EPCAM: variants seen among roughly 807,000 people sequenced by gnomAD.
The protein encoded by EPCAM is epithelial cell adhesion molecule.
A neutral mutation model predicts 40.0 loss-of-function variants in EPCAM; 39 were observed. The ratio of observed to expected loss-of-function variants is 0.98; its 90% CI spans 0.76 to 1.27. The LOEUF (loss-of-function observed/expected upper bound fraction) is 1.27. Among genes scored for constraint, EPCAM ranks in the 50% most tolerant of loss-of-function variants. The pLI, the probability that EPCAM is intolerant of heterozygous loss-of-function variation, is 0.00. For missense variants in EPCAM, 503 were observed against 381.2 expected (o/e 1.32, Z -2.66); for synonymous variants, 168 against 132.3 (o/e 1.27, Z -1.85).
At chr2:47,385,417 C>T (rs1338163476) in intron 8 of EPCAM, among the ~76,000 whole-genome samples, 1 of 152,130 alleles carries the variant, frequency 6.6e-6, no homozygotes, top group Non-Finnish European at 1.5e-5. Flanking sequence ...TTTTCTGCCT[C>T]ATAGAAGAGT....
chr2:47,377,902 G>A, intron 5 of EPCAM: 1 of 317,646 alleles, frequency 3.1e-6, no homozygotes, highest in South Asian at 2.4e-5. Flanking sequence ...ATTTATTCAA[G>A]AGTCTTTAGA....
chr2:47,376,843 A>G (rs541526015), intron 4 of EPCAM, among the ~76,000 whole-genome samples, 171 bp from the exon 5 acceptor site: 36 of 152,314 alleles, frequency 2.4e-4, no homozygotes, highest in African/African-American at 5.8e-4. Context: ...TTGAATATCA[A>G]TGGATGATTC....
intron 6 of EPCAM, among the ~76,000 whole-genome samples, 185 bp from the exon 7 acceptor site, chr2:47,379,584 T>C (rs1671523366): frequency 1.3e-5 from 2 of 152,186 alleles, no homozygotes; most frequent in Admixed American, 1.3e-4. Flanking sequence ...CTTTCTACTT[T>C]CGTGTATGTT....
Position 47,386,635 on chromosome 2 carries a change from G to C in EPCAM, c.*22G>C, listed in dbSNP as rs1465815283. 1 of 1,565,948 alleles carries C rather than the reference G, an allele frequency of 6.4e-7. No homozygotes were observed. Among genetic ancestry groups the C allele is most frequent in the Non-Finnish European group, 8.8e-7 (1 of 1,137,366 alleles). ...ATAACTATATAATTTGAAGATTATAGAAGAAGGGAAATAGCAAATGGACAC... is the reference window on the plus strand; with the variant it reads ...ATAACTATATAATTTGAAGATTATACAAGAAGGGAAATAGCAAATGGACAC... On this transcript the variant is annotated 3_prime_UTR_variant, in exon 9 of 9. Transcript: ENST00000263735.
chr2:47,373,733 T>TTA, intron 2 of EPCAM, 75 bp from the exon 3 acceptor site: 3 of 1,593,172 alleles, frequency 1.9e-6, no homozygotes, highest in Admixed American at 3.4e-5. Flanking sequence ...CCCTGGAACT[T>TTA]TAGAGTTAAT....
At position 47,370,082 on chromosome 2, in the gene EPCAM, C is replaced by T. The variant is rs869312585; in HGVS notation, c.76+501C>T. ...GGGAGGCCTCCAGGGCCGCTATGCA[C>T]CTGCGCGCGGCAGGCGGCCCGGACC... On this transcript the variant is annotated intron_variant, in intron 1 of 8. Coordinates refer to ENST00000263735, the MANE Select transcript of EPCAM (RefSeq NM_002354.3). Among the ~76,000 whole-genome samples the T allele has an allele frequency of 6.6e-6, 1 of 152,244 alleles. No homozygotes were observed. The highest frequency in any genetic ancestry group is 1.5e-5 in the Non-Finnish European group (1 of 68,048).
At chr2:47,381,408 A>AAG (rs1553344544) in intron 7 of EPCAM, among the ~76,000 whole-genome samples, 8 of 151,022 alleles carry the variant, frequency 5.3e-5, no homozygotes, top group Non-Finnish European at 1.0e-4. Context: ...AAAAAAAAAA[A>AAG]AAAAGAAATC....
Position 47,373,935 on chromosome 2 carries a change from C to CT in EPCAM, c.315dup (p.Lys106Ter). 6.2e-7 allele frequency: 1 copy of CT among 1,614,064 alleles called. No individual in the cohort carries two copies. The highest frequency in any genetic ancestry group is 2.2e-5 in the East Asian group (1 of 44,878). ...ATCCTGACTGCGATGAGAGCGGGCT[C>CT]TTTAAGGCCAAGCAGTGCAACGGCA... On this transcript the variant is annotated frameshift_variant, in exon 3 of 9. Coordinates refer to ENST00000263735, the MANE Select transcript of EPCAM (RefSeq NM_002354.3). LOFTEE classifies it high-confidence loss of function.
At chr2:47,378,885 TTAA>T in intron 5 of EPCAM, 65 bp from the exon 6 acceptor site, 1 of 779,842 alleles carries the variant, frequency 1.3e-6, no homozygotes, top group Non-Finnish European at 2.3e-6. Context: ...TGATTCTCAA[TTAA>T]TGTTATTTTC....
intron 4 of EPCAM, among the ~76,000 whole-genome samples, chr2:47,376,545 C>T (rs181641501): frequency 2.6e-5 from 4 of 152,310 alleles, no homozygotes; most frequent in South Asian, 2.1e-4. Context: ...CAGGCATGAG[C>T]CACCTCACCC....
At chr2:47,375,185 T>C (rs771092607) in intron 3 of EPCAM, 49 bp from the exon 4 acceptor site, 1 of 1,347,204 alleles carries the variant, frequency 7.4e-7, no homozygotes, top group Non-Finnish European at 1.1e-6. Flanking sequence ...AGGAAAATAG[T>C]ATGGAAGACT....
chr2:47,383,607 C>T (rs555033092), intron 7 of EPCAM, among the ~76,000 whole-genome samples: 11 of 36,476 alleles, frequency 3.0e-4, no homozygotes, highest in South Asian at 1.1e-3. Context: ...CCGGCTTCTT[C>T]TTTTTTTTTT....
rs1251208229 is a variant in EPCAM, at chr2:47,369,496, C to T, written c.-10C>T. ...CCCTCCCGCGCCCCTCTTCTCGGCG[C>T]GCGCGCAGCATGGCGCCCCCGCAGG... On this transcript the variant is annotated 5_prime_UTR_variant, in exon 1 of 9. Transcript: ENST00000263735. 1 of 1,531,736 alleles carries T rather than the reference C, an allele frequency of 6.5e-7. No individual in the cohort carries two copies. Among genetic ancestry groups the T allele is most frequent in the Non-Finnish European group, 8.7e-7 (1 of 1,144,238 alleles). The allele number at this position is 1,531,736 out of a possible 1,614,324, so 94.9% of individuals were successfully genotyped here. A position where few individuals can be genotyped will look rare whatever the true frequency, so the allele number is the denominator to read the frequency against.
At chr2:47,379,484 G>A (rs1438612586) in intron 6 of EPCAM, among the ~76,000 whole-genome samples, 4 of 152,194 alleles carry the variant, frequency 2.6e-5, no homozygotes, top group Non-Finnish European at 4.4e-5. Flanking sequence ...GGGGGTGAAA[G>A]GATGAAAGGA....
At chr2:47,376,358 G>A (rs1671427733) in intron 4 of EPCAM, among the ~76,000 whole-genome samples, 1 of 150,134 alleles carries the variant, frequency 6.7e-6, no homozygotes, top group African/African-American at 2.5e-5. Flanking sequence ...CCGGATTCAA[G>A]CGATTCTCCT....
At chr2:47,371,475 A>G (rs934566991) in intron 1 of EPCAM, among the ~76,000 whole-genome samples, 1 of 152,176 alleles carries the variant, frequency 6.6e-6, no homozygotes, top group African/African-American at 2.4e-5. Flanking sequence ...GGCGTTTGCC[A>G]AAGGTCTCTG....
chr2:47,378,577 C>A (rs1308917061), intron 5 of EPCAM, among the ~76,000 whole-genome samples: 1 of 152,152 alleles, frequency 6.6e-6, no homozygotes, highest in African/African-American at 2.4e-5. Flanking sequence ...GCTGGGATTA[C>A]AGGCATGAGC....
At position 47,379,841 on chromosome 2, in the gene EPCAM, C is replaced by G. The variant is rs755757555; in HGVS notation, c.730C>G (p.Pro244Ala). ...AAATGGGGAACAACTGGATCTGGAT[C>G]CTGGTCAAACTTTAATTTATTATGT... ...TVNGEQLDLDPGQTLIYYVDE... is the reference protein window; with the variant it reads ...TVNGEQLDLDAGQTLIYYVDE... The change falls in exon 7 of 9, where the codon CCT (proline) becomes GCT (alanine). Residue 244 changes from proline to alanine, a missense_variant. By Grantham distance (27) the Pro-to-Ala change is conservative. Coordinates refer to ENST00000263735, the MANE Select transcript of EPCAM (RefSeq NM_002354.3). The G allele has an allele frequency of 1.2e-6, 2 of 1,614,014 alleles. No homozygotes were observed. The highest frequency in any genetic ancestry group is 4.5e-5 in the East Asian group (2 of 44,878).
In EPCAM at chr2:47,386,820, A is replaced by G. The variant is rs1671753977; in HGVS notation, c.*207A>G. 2 of 429,034 alleles carry G rather than the reference A, an allele frequency of 4.7e-6. No homozygotes were observed. The highest frequency in any genetic ancestry group is 3.9e-5 in the Admixed American group (1 of 25,832). 26.6% of individuals were successfully genotyped at this position (429,034 alleles called of 1,614,324 possible). A position where few individuals can be genotyped will look rare whatever the true frequency, so the allele number is the denominator to read the frequency against. On this transcript the variant is annotated 3_prime_UTR_variant, in exon 9 of 9. Transcript: ENST00000263735. Reference sequence around the variant, plus strand: ...AAATTTGACCACAAGTGTCTTATATATGCAGATCTAATGTAAAATCCAGAA... The same window carrying G: ...AAATTTGACCACAAGTGTCTTATATGTGCAGATCTAATGTAAAATCCAGAA...
Sources: allele counts gnomAD v4.1 joint callset (sites outside exome capture counted in the v4.1 genomes callset), GRCh38; gene constraint gnomAD v4.1.1; transcripts MANE v1.5; gene names NCBI Gene and HGNC (gene_info 2026-07-23, HGNC 2026-07-21).